The following FOXP1 variants were observed in gnomAD, a reference collection of about 807,000 sequenced individuals.
FOXP1 encodes forkhead box protein P1.
A neutral mutation model predicts 98.2 loss-of-function variants in FOXP1; 15 were observed. The observed-to-expected ratio is 0.15, with a 90% CI of 0.10 to 0.24. The LOEUF (loss-of-function observed/expected upper bound fraction) is 0.24. Among genes scored for constraint, FOXP1 ranks in the 10% least tolerant of loss-of-function variants. FOXP1 has a pLI of 1.00. For synonymous variants in FOXP1, 371 were observed against 314.5 expected (o/e 1.18, Z -1.90); for missense variants, 633 against 848.5 (o/e 0.75, Z 3.15).
intron 5 of FOXP1, among the ~76,000 whole-genome samples, chr3:71,226,729 C>A (rs2065869481): frequency 6.6e-6 from 1 of 152,026 alleles, no homozygotes; most frequent in African/African-American, 2.4e-5. Context: ...TTTCCTCTCG[C>A]AGTCTTGCTC....
chr3:71,534,401 A>C (rs1357109466), intron 2 of FOXP1, among the ~76,000 whole-genome samples: 1 of 152,116 alleles, frequency 6.6e-6, no homozygotes, highest in African/African-American at 2.4e-5. Context: ...GGCTCTCCCT[A>C]TACACTGGTT....
chr3:71,280,469 C>A lies in FOXP1; in HGVS notation c.-12+19351G>T, dbSNP rs1033341301. Among the ~76,000 whole-genome samples the A allele has an allele frequency of 3.9e-4, 60 of 151,944 alleles. 1 individual carries two copies. The highest frequency in any genetic ancestry group is 2.0e-4 in the Admixed American group (3 of 15,260). ...TTGAATAGCTGGGATTACAGGTGCCCACCACCATGCTCGGCTAATTTTTTT... is the reference window on the plus strand; with the variant it reads ...TTGAATAGCTGGGATTACAGGTGCCAACCACCATGCTCGGCTAATTTTTTT... On this transcript the variant is annotated intron_variant, in intron 5 of 20. Coordinates refer to ENST00000649528, the MANE Select transcript of FOXP1 (RefSeq NM_001349338.3).
intron 10 of FOXP1, among the ~76,000 whole-genome samples, chr3:71,043,056 A>G (rs941765753): frequency 6.6e-6 from 1 of 152,186 alleles, no homozygotes; most frequent in African/African-American, 2.4e-5. Flanking sequence ...CAGCAGACCA[A>G]TAACCTTCCC....
chr3:71,102,711 G>C (rs1011656209), intron 7 of FOXP1, among the ~76,000 whole-genome samples: 1 of 152,106 alleles, frequency 6.6e-6, no homozygotes, highest in Admixed American at 6.5e-5. Flanking sequence ...GGTGTGGTCT[G>C]GTGGTTAGCG....
chr3:71,061,108 G>T (rs534932091), intron 7 of FOXP1, among the ~76,000 whole-genome samples: 1 of 151,694 alleles, frequency 6.6e-6, no homozygotes, highest in African/African-American at 2.4e-5. Context: ...TTTTTTAAAC[G>T]AAAGAAAATA....
chr3:71,577,519 C>G (rs1184236728), intron 2 of FOXP1, among the ~76,000 whole-genome samples: 3 of 152,042 alleles, frequency 2.0e-5, no homozygotes, highest in Non-Finnish European at 4.4e-5. Context: ...AGGAACTTGC[C>G]TCATCTCAAG....
intron 8 of FOXP1, among the ~76,000 whole-genome samples, chr3:71,053,262 C>T (rs369690452): frequency 5.3e-5 from 8 of 152,148 alleles, no homozygotes; most frequent in Non-Finnish European, 7.3e-5. Flanking sequence ...GCTTCTGAGT[C>T]GAAATGGGGA....
intron 5 of FOXP1, among the ~76,000 whole-genome samples, chr3:71,254,469 G>T (rs756720976): frequency 3.9e-5 from 6 of 152,186 alleles, no homozygotes; most frequent in Non-Finnish European, 4.4e-5. Context: ...CTCTGCGAAT[G>T]CCAGGACTTA....
chr3:71,349,143 T>C (rs919792499), intron 4 of FOXP1, among the ~76,000 whole-genome samples: 1 of 150,204 alleles, frequency 6.7e-6, no homozygotes, highest in Non-Finnish European at 1.5e-5. Flanking sequence ...ATCCATCATA[T>C]TTGTATAATC....
intron 6 of FOXP1, among the ~76,000 whole-genome samples, chr3:71,178,085 C>T (rs1250888245): frequency 2.7e-5 from 4 of 150,480 alleles, no homozygotes; most frequent in Non-Finnish European, 4.4e-5. Context: ...CATCCTGCCT[C>T]GGCCTCCCAA....
At chr3:71,322,316 G>A (rs934752284) in intron 4 of FOXP1, among the ~76,000 whole-genome samples, 4 of 152,142 alleles carry the variant, frequency 2.6e-5, no homozygotes, top group African/African-American at 9.7e-5. Flanking sequence ...TAAAAATTCA[G>A]TTCCTCAATT....
intron 18 of FOXP1, chr3:70,972,110 C>A: frequency 6.5e-7 from 1 of 1,533,446 alleles, no homozygotes; most frequent in Non-Finnish European, 8.7e-7. Flanking sequence ...ATCAACTGTC[C>A]AAAAGGACCC....
chr3:71,203,880 A>G (rs1436560515), intron 5 of FOXP1, among the ~76,000 whole-genome samples: 1 of 152,010 alleles, frequency 6.6e-6, no homozygotes, highest in East Asian at 1.9e-4. Context: ...ATGTGCAGAG[A>G]AAAAAGGAAG....
At chr3:71,360,873 T>A (rs11720350) in intron 3 of FOXP1, 24,314 of 152,192 alleles carry the variant, frequency 0.16, 2,143 homozygotes, top group Non-Finnish European at 0.2. Context: ...GTCACCTGTC[T>A]CCGGAAACTA....
In FOXP1 at chr3:71,031,512, TC is replaced by T. The variant is rs1382660798; in HGVS notation, c.869+9815del. Among the ~76,000 whole-genome samples, 3 of 152,268 alleles carry T rather than the reference TC, an allele frequency of 2.0e-5. No homozygotes were observed. In the South Asian group the frequency reaches 6.2e-4, roughly 32 times the overall value. On this transcript the variant is annotated intron_variant, in intron 11 of 20. Coordinates refer to ENST00000649528, the MANE Select transcript of FOXP1 (RefSeq NM_001349338.3). The stretch of plus-strand genomic sequence containing the variant: ...TTTTCCAAAGTGTCTTTTTAAAAAG[TC>T]CCTATTTTTCACCCTGTGCACTGGG...
At chr3:71,560,707 G>C (rs536804633) in intron 2 of FOXP1, among the ~76,000 whole-genome samples, 6 of 152,286 alleles carry the variant, frequency 3.9e-5, no homozygotes, top group African/African-American at 1.4e-4. Context: ...TCTATACAAT[G>C]AAATATTATT....
At chr3:71,057,879 T>C (rs1488294879) in intron 7 of FOXP1, among the ~76,000 whole-genome samples, 1 of 152,160 alleles carries the variant, frequency 6.6e-6, no homozygotes, top group Non-Finnish European at 1.5e-5. Flanking sequence ...GCTACCTTAA[T>C]ACCAGCAACT....
At chr3:71,456,183 C>G (rs1326176993) in intron 3 of FOXP1, among the ~76,000 whole-genome samples, 2 of 152,108 alleles carry the variant, frequency 1.3e-5, no homozygotes, top group South Asian at 4.1e-4. Flanking sequence ...ATGGGGCATA[C>G]TTTTTGAAAC....
chr3:71,522,025 G>C (rs577867508), intron 2 of FOXP1, among the ~76,000 whole-genome samples: 1 of 132,378 alleles, frequency 7.6e-6, no homozygotes, highest in Admixed American at 7.3e-5. Flanking sequence ...AGCAAGAAAT[G>C]GTGCCAGTTA....
Sources: gnomAD v4.1 joint callset for allele counts (sites outside exome capture counted in the v4.1 genomes callset) on GRCh38, gnomAD v4.1.1 for gene constraint, MANE v1.5 for transcripts, NCBI Gene and HGNC (gene_info 2026-07-23, HGNC 2026-07-21) for gene names.